TMEM184B: variants seen among roughly 807,000 people sequenced by gnomAD.
TMEM184B encodes the protein transmembrane protein 184B.
Under a neutral mutation model 41.8 loss-of-function variants are expected in TMEM184B, and 17 were observed. The observed-to-expected ratio is 0.41, with a 90% CI of 0.28 to 0.61. The LOEUF (loss-of-function observed/expected upper bound fraction) is 0.61, where lower values mean the gene tolerates loss of function less well. Ranked by LOEUF, TMEM184B falls within the 20% of genes least tolerant of loss-of-function variation. The pLI, the probability that TMEM184B is intolerant of heterozygous loss-of-function variation, is 0.34. For missense variants in TMEM184B, 393 were observed against 557.8 expected, an observed-to-expected ratio of 0.70 and a Z score of 2.98; for synonymous variants, 240 against 229.5, an observed-to-expected ratio of 1.05 and a Z score of -0.41.
chr22:38,217,624 AGAGT>A (rs2091165076), downstream of TMEM184B, among the ~76,000 whole-genome samples: 1 of 151,882 alleles, frequency 6.6e-6, no homozygotes, highest in Non-Finnish European at 1.5e-5. Context: ...CCTGGGCGAC[AGAGT>A]GAGACTCCGT....
At chr22:38,254,045 A>T (rs61440843) in intron 1 of TMEM184B, among the ~76,000 whole-genome samples, 1 of 152,000 alleles carries the variant, frequency 6.6e-6, no homozygotes, top group African/African-American at 2.4e-5. Flanking sequence ...TACTAAAAAT[A>T]AAAAAATTAG....
At chr22:38,243,764 G>A (rs932535751) in intron 3 of TMEM184B, among the ~76,000 whole-genome samples, 1 of 152,210 alleles carries the variant, frequency 6.6e-6, no homozygotes, top group African/African-American at 2.4e-5. Context: ...GCACAGGGCA[G>A]GGGTTTGATT....
chr22:38,254,851 CTT>C (rs71195097), intron 1 of TMEM184B, among the ~76,000 whole-genome samples: 65 of 131,152 alleles, frequency 5.0e-4, no homozygotes, highest in Middle Eastern at 4.0e-3. Context: ...TTGGCACTTT[CTT>C]TTTTTTTTTT....
At chr22:38,264,167 G>A (rs1051078377) in intron 1 of TMEM184B, among the ~76,000 whole-genome samples, 2 of 152,158 alleles carry the variant, frequency 1.3e-5, no homozygotes, top group Non-Finnish European at 2.9e-5. Flanking sequence ...TCAACAAATG[G>A]AGCTCTGGGT....
At chr22:38,236,942 T>C (rs1569028056) in intron 3 of TMEM184B, among the ~76,000 whole-genome samples, 1 of 152,220 alleles carries the variant, frequency 6.6e-6, no homozygotes, top group East Asian at 1.9e-4. Flanking sequence ...GTGACTTTCC[T>C]GTCCCTTGTG....
chr22:38,245,053 A>C (rs960608421), intron 3 of TMEM184B, among the ~76,000 whole-genome samples: 1 of 152,232 alleles, frequency 6.6e-6, no homozygotes. Flanking sequence ...TCCAGAACCA[A>C]GTCCCCGGAA....
At position 38,230,723 on chromosome 22, in the gene TMEM184B, G is replaced by C; in HGVS notation, c.471C>G (p.Thr157=). ...KPIESSCMYG[T]CCLWGKTYSI... is the part of the protein sequence containing the mutation. ...AATAAGTCTTTCCCCAGAGGCAGCA[G>C]GTGCCATACATACAGCTGGACCTGG... The change falls in exon 5 of 9, where the codon ACC becomes ACG. Residue 157 remains threonine, a synonymous_variant. Coordinates refer to ENST00000361906, the MANE Select transcript of TMEM184B (RefSeq NM_012264.5). 2 of 1,612,388 alleles carry C rather than the reference G, an allele frequency of 1.2e-6. No individual in the cohort carries two copies. The highest frequency in any genetic ancestry group is 1.7e-6 in the Non-Finnish European group (2 of 1,179,386).
At chr22:38,262,578 T>G (rs1481951597) in intron 1 of TMEM184B, among the ~76,000 whole-genome samples, 2 of 152,230 alleles carry the variant, frequency 1.3e-5, no homozygotes, top group African/African-American at 4.8e-5. Flanking sequence ...AAAGTGTATC[T>G]TTCTGTCAGT....
At chr22:38,216,595 G>A, downstream of TMEM184B, 1 of 160,158 alleles carries the variant, frequency 6.2e-6, no homozygotes. Context: ...TGGTGGCGGG[G>A]AGGGCTAGTG....
At chr22:38,230,615 C>G (rs2091587279) in intron 5 of TMEM184B, 54 bp downstream of exon 5, 1 of 1,566,204 alleles carries the variant, frequency 6.4e-7, no homozygotes, top group Non-Finnish European at 8.7e-7. Context: ...ACGGCAGGGC[C>G]TCCCAGACCC....
chr22:38,245,966 C>T lies in TMEM184B; in HGVS notation c.327G>A (p.Val109=). 6.9e-7 allele frequency: 1 copy of T among 1,443,112 alleles called. No homozygotes were observed. Among genetic ancestry groups the T allele is most frequent in the Non-Finnish European group, 9.3e-7 (1 of 1,070,640 alleles). 89.4% of individuals were successfully genotyped at this position (1,443,112 alleles called of 1,614,324 possible). Residue 109 remains valine (V), a synonymous_variant, in exon 3 of 9, where the codon GTG becomes GTA. Coordinates refer to ENST00000361906, the MANE Select transcript of TMEM184B (RefSeq NM_012264.5). The part of the protein sequence containing the change: ...LLFFTNDQYY[V]YFGTVRDCYE... ...AGCAGTCGCGGACGGTGCCGAAGTA[C>T]ACGTAGTACTGGTCGTTGGTGAAGA... is the stretch of plus-strand genomic sequence containing the variant.
chr22:38,262,680 A>G (rs1407181368), intron 1 of TMEM184B, among the ~76,000 whole-genome samples: 1 of 152,234 alleles, frequency 6.6e-6, no homozygotes, highest in Non-Finnish European at 1.5e-5. Flanking sequence ...AGTGTGTCCA[A>G]GGGGCCCAGA....
intron 1 of TMEM184B, among the ~76,000 whole-genome samples, chr22:38,250,694 G>A (rs2092143193): frequency 2.0e-5 from 3 of 152,126 alleles, no homozygotes; most frequent in Admixed American, 1.3e-4. Context: ...GCAAGGTGTG[G>A]GGGGATGTCG....
intron 3 of TMEM184B, among the ~76,000 whole-genome samples, chr22:38,236,063 A>C (rs892123681): frequency 1.3e-5 from 2 of 152,222 alleles, no homozygotes; most frequent in Non-Finnish European, 2.9e-5. Flanking sequence ...AGAGGGCAGC[A>C]ACCAGCGTGA....
intron 5 of TMEM184B, among the ~76,000 whole-genome samples, chr22:38,230,407 G>A (rs919352901): frequency 6.6e-6 from 1 of 152,360 alleles, no homozygotes; most frequent in African/African-American, 2.4e-5. Flanking sequence ...CACACACACT[G>A]AGACTTGGTC....
chr22:38,246,075 C>T lies in TMEM184B; in HGVS notation c.218G>A (p.Ser73Asn), dbSNP rs775440967. 2 of 1,612,150 alleles carry T rather than the reference C, an allele frequency of 1.2e-6. No individual in the cohort carries two copies. Among genetic ancestry groups the T allele is most frequent in the Non-Finnish European group, 8.5e-7 (1 of 1,179,998 alleles). The part of the protein sequence containing the change: ...HQIYMHLRCY[S>N]CPNEQRYIVR... ...GATGTAGCGCTGCTCGTTGGGGCAG[C>T]TGTAGCAGCGCAGGTGCATGTAGAT... The change falls in exon 3 of 9, where the codon AGC becomes AAC. Residue 73 changes from serine to asparagine, a missense_variant. By Grantham distance (46) the Ser-to-Asn change is conservative. Transcript: ENST00000361906.
At chr22:38,251,214 C>T (rs2092155681) in intron 1 of TMEM184B, among the ~76,000 whole-genome samples, 1 of 152,184 alleles carries the variant, frequency 6.6e-6, no homozygotes, top group South Asian at 2.1e-4. Context: ...TGCACCGAGG[C>T]CAATTCATAA....
In TMEM184B at chr22:38,251,102, C is replaced by A. The variant is rs1031026181; in HGVS notation, c.-58-3083G>T. 1.7e-4 allele frequency among the ~76,000 whole-genome samples: 26 copies of A among 152,294 alleles called. 1 individual carries two copies. Among genetic ancestry groups the A allele is most frequent in the African/African-American group, 6.3e-4 (26 of 41,560 alleles). ...GGCCATACCCTTCCTCCCATAGCCTCCAGACTCTTCTAGCAGGAGGGGAGG... is the reference window on the plus strand; with the variant it reads ...GGCCATACCCTTCCTCCCATAGCCTACAGACTCTTCTAGCAGGAGGGGAGG... On this transcript the variant is annotated intron_variant, in intron 1 of 8. Coordinates refer to ENST00000361906, the MANE Select transcript of TMEM184B (RefSeq NM_012264.5).
At chr22:38,270,083 A>G (rs2092499986) in intron 1 of TMEM184B, among the ~76,000 whole-genome samples, 1 of 152,204 alleles carries the variant, frequency 6.6e-6, no homozygotes, top group South Asian at 2.1e-4. Context: ...TCTTCAGGAC[A>G]CAGACCCAAC....
Sources: allele counts gnomAD v4.1 joint callset (sites outside exome capture counted in the v4.1 genomes callset), GRCh38; gene constraint gnomAD v4.1.1; transcripts MANE v1.5; gene names NCBI Gene and HGNC (gene_info 2026-07-23, HGNC 2026-07-21).